Variants in ATAT1 observed in about 807,000 individuals in gnomAD.
ATAT1 encodes the protein alpha-tubulin N-acetyltransferase 1.
In ATAT1, 42 loss-of-function variants were observed where a neutral mutation model predicts 57.2. The ratio of observed to expected loss-of-function variants is 0.73; its 90% CI spans 0.57 to 0.95. The LOEUF (loss-of-function observed/expected upper bound fraction) is 0.95, where lower values mean the gene tolerates loss of function less well. Ranked by LOEUF, ATAT1 falls within the 40% of genes least tolerant of loss-of-function variation. The pLI, the probability that ATAT1 is intolerant of heterozygous loss-of-function variation, is 0.00. For synonymous variants in ATAT1, 168 were observed against 187.1 expected (o/e 0.90, Z 0.83); for missense variants, 454 against 523.7 (o/e 0.87, Z 1.30).
chr6:30,641,647 C>T (rs1561925785), intron 8 of ATAT1: 7 of 360,980 alleles, frequency 1.9e-5, no homozygotes, highest in African/African-American at 2.3e-5. Flanking sequence ...TATTTATTTT[C>T]TTTTTTTTTT....
intron 1 of ATAT1, 51 bp from the exon 2 acceptor site, chr6:30,627,409 G>C (rs1325841669): frequency 6.2e-7 from 1 of 1,602,338 alleles, no homozygotes; most frequent in Admixed American, 1.7e-5. Context: ...GACTGCCTAG[G>C]ACCCGCTAAT....
At chr6:30,643,405 C>A in intron 10 of ATAT1, 1 of 1,492,192 alleles carries the variant, frequency 6.7e-7, no homozygotes, top group Non-Finnish European at 9.0e-7. Context: ...TCGCAGCAGG[C>A]AGGGAGTGGG....
chr6:30,636,584 TC>T (rs1030773803), intron 6 of ATAT1, among the ~76,000 whole-genome samples: 5 of 151,176 alleles, frequency 3.3e-5, no homozygotes, highest in African/African-American at 1.2e-4. Flanking sequence ...AGACACTGTC[TC>T]AAAAAAAATA....
intron 10 of ATAT1, chr6:30,643,620 A>G: frequency 6.5e-7 from 1 of 1,550,360 alleles, no homozygotes; most frequent in South Asian, 1.2e-5. Flanking sequence ...CCTCCCTGAG[A>G]ACCTCAGACC....
chr6:30,645,668 A>G lies in ATAT1; in HGVS notation c.933-227A>G, dbSNP rs555441354. Among the ~76,000 whole-genome samples, 76 of 152,320 alleles carry G rather than the reference A, an allele frequency of 5.0e-4. 1 individual carries two copies. Among genetic ancestry groups the G allele is most frequent in the South Asian group, 2.3e-3 (11 of 4,830 alleles). ...GATTTAACACATTACCTCAACTAGA[A>G]AGAATAGAGCAATAAATCAGAAGCA... On this transcript the variant is annotated intron_variant, in intron 10 of 12. Transcript: ENST00000330083.
intron 8 of ATAT1, 186 bp downstream of exon 8, chr6:30,640,789 T>G (rs1765251691): frequency 1.6e-6 from 1 of 644,264 alleles, no homozygotes; most frequent in Non-Finnish European, 2.7e-6. Context: ...GGCAAGACTT[T>G]TAACTAAGCA....
chr6:30,626,925 C>T lies in ATAT1; in HGVS notation c.-279C>T, dbSNP rs1187071562. On this transcript the variant is annotated 5_prime_UTR_variant, in exon 1 of 13. Transcript: ENST00000330083. ...CGATGTGGACGCGCTGTTCCCGGAGCGGATCACGGTGCTGGACCAGCACCT... is the reference window on the plus strand; with the variant it reads ...CGATGTGGACGCGCTGTTCCCGGAGTGGATCACGGTGCTGGACCAGCACCT... The T allele has an allele frequency of 3.7e-6, 6 of 1,609,546 alleles. No homozygotes were observed. The highest frequency in any genetic ancestry group is 5.1e-6 in the Non-Finnish European group (6 of 1,178,730).
In ATAT1 at chr6:30,627,069, C is replaced by A; in HGVS notation, c.-135C>A. 1 of 1,549,540 alleles carries A rather than the reference C, an allele frequency of 6.5e-7. No homozygotes were observed. The highest frequency in any genetic ancestry group is 8.7e-7 in the Non-Finnish European group (1 of 1,143,618). ...CCTGGTCCAGGCACCACGCCCCCTT[C>A]TCACTGACTAGTGATCGCCCCTTTT... On this transcript the variant is annotated 5_prime_UTR_variant, in exon 1 of 13. Transcript: ENST00000330083.
chr6:30,642,833 G>GGGGGGGCCGCCCCCCCCCCCCCCCCCCC lies in ATAT1; in HGVS notation c.754_755insGGGGGGCCGCCCCCCCCCCCCCCCCCCC (p.Ala252GlyfsTer57). On this transcript the variant is annotated frameshift_variant, in exon 10 of 13. Transcript: ENST00000330083. LOFTEE classifies it high-confidence loss of function. ...GGCCCCTCGCCGCGCCACACCTCCA[G>GGGGGGGCCGCCCCCCCCCCCCCCCCCCC]CCCACCCACCCCCCCGCTCCAGCAG... is the stretch of plus-strand genomic sequence containing the variant. 1.3e-6 allele frequency: 2 copies of GGGGGGGCCGCCCCCCCCCCCCCCCCCCC among 1,537,876 alleles called. No individual in the cohort carries two copies. The highest frequency in any genetic ancestry group is 1.2e-5 in the South Asian group (1 of 86,358).
At chr6:30,642,337 C>A in intron 9 of ATAT1, 90 bp downstream of exon 9, 1 of 1,557,894 alleles carries the variant, frequency 6.4e-7, no homozygotes, top group South Asian at 1.1e-5. Context: ...AGGATTCGTT[C>A]TCTCTAAAGA....
chr6:30,641,646 T>TA (rs1765476208), intron 8 of ATAT1: 1 of 435,364 alleles, frequency 2.3e-6, no homozygotes, highest in African/African-American at 2.3e-5. Flanking sequence ...ATATTTATTT[T>TA]CTTTTTTTTT....
chr6:30,646,683 C>A lies in ATAT1; in HGVS notation c.*40C>A. On this transcript the variant is annotated 3_prime_UTR_variant, in exon 13 of 13. Transcript: ENST00000330083. Reference sequence around the variant, plus strand: ...AACATCTTCAAAGTATTATTTCTCCCTCACTACAGGAAAGAGCCAAAGCCC... The same window carrying A: ...AACATCTTCAAAGTATTATTTCTCCATCACTACAGGAAAGAGCCAAAGCCC... 6.7e-7 allele frequency: 1 copy of A among 1,502,396 alleles called. No individual in the cohort carries two copies. The highest frequency in any genetic ancestry group is 1.3e-5 in the South Asian group (1 of 77,004). 93.1% of individuals were successfully genotyped at this position (1,502,396 alleles called of 1,614,324 possible).
chr6:30,643,707 C>T, intron 10 of ATAT1: 1 of 1,459,888 alleles, frequency 6.8e-7, no homozygotes, highest in Non-Finnish European at 9.1e-7. Context: ...CTTTCTTAGA[C>T]AGCAGGGATG....
chr6:30,645,986 C>A lies in ATAT1; in HGVS notation c.1012+12C>A. The A allele has an allele frequency of 6.3e-7, 1 of 1,595,636 alleles. No individual in the cohort carries two copies. Among genetic ancestry groups the A allele is most frequent in the Non-Finnish European group, 8.5e-7 (1 of 1,170,670 alleles). On this transcript the variant is annotated intron_variant, in intron 11 of 12. Transcript: ENST00000330083. ...ATCCCCCAATACAGGTAAGTATTCACTCCTCCCTACCCTCAAATCAAGTAG... is the reference window on the plus strand; with the variant it reads ...ATCCCCCAATACAGGTAAGTATTCAATCCTCCCTACCCTCAAATCAAGTAG...
chr6:30,643,506 C>G, intron 10 of ATAT1: 1 of 1,550,716 alleles, frequency 6.4e-7, no homozygotes, highest in Non-Finnish European at 8.7e-7. Context: ...TCCCTTCCTC[C>G]CATCCATAAC....
chr6:30,640,720 C>A (rs1765234887), intron 8 of ATAT1, 117 bp downstream of exon 8: 2 of 1,172,670 alleles, frequency 1.7e-6, no homozygotes, highest in African/African-American at 1.5e-5. Context: ...CAACCCAAGT[C>A]TCCAGCAGTC....
intron 6 of ATAT1, among the ~76,000 whole-genome samples, chr6:30,632,966 C>CA (rs1763248125): frequency 6.7e-6 from 1 of 150,226 alleles, no homozygotes; most frequent in African/African-American, 2.5e-5. Context: ...ATGGAAACGG[C>CA]AATAAGGGAG....
At position 30,642,831 on chromosome 6, in the gene ATAT1, C is replaced by CTGG; in HGVS notation, c.752_753insTGG (p.Pro251_Ala252insGly). On this transcript the variant is annotated inframe_insertion, in exon 10 of 13. Transcript: ENST00000330083. ...AGGGCCCCTCGCCGCGCCACACCTC[C>CTGG]AGCCCACCCACCCCCCCGCTCCAGC... 22 of 1,583,044 alleles carry CTGG rather than the reference C, an allele frequency of 1.4e-5. No homozygotes were observed. The highest frequency in any genetic ancestry group is 2.3e-5 in the East Asian group (1 of 43,550).
In ATAT1 at chr6:30,628,312, T is replaced by C; in HGVS notation, c.400-17T>C. On this transcript the variant is annotated splice_polypyrimidine_tract_variant and intron_variant, in intron 5 of 12. Transcript: ENST00000330083. Reference sequence around the variant, plus strand: ...TCCCCATACTTCCTCCTACCCTGAGTCTCCTTTTCCCTGCAGAAGGAGCGA... The same window carrying C: ...TCCCCATACTTCCTCCTACCCTGAGCCTCCTTTTCCCTGCAGAAGGAGCGA... 1 of 1,609,546 alleles carries C rather than the reference T, an allele frequency of 6.2e-7. No individual in the cohort carries two copies. Among genetic ancestry groups the C allele is most frequent in the Non-Finnish European group, 8.5e-7 (1 of 1,177,130 alleles).
Sources: gnomAD v4.1 joint callset for allele counts (sites outside exome capture counted in the v4.1 genomes callset) on GRCh38, gnomAD v4.1.1 for gene constraint, MANE v1.5 for transcripts, NCBI Gene and HGNC (gene_info 2026-07-23, HGNC 2026-07-21) for gene names.